The following ZBTB41 variants were observed in gnomAD, a reference collection of about 807,000 sequenced individuals.
The protein encoded by ZBTB41 is zinc finger and BTB domain-containing protein 41.
Under a neutral mutation model 87.6 loss-of-function variants are expected in ZBTB41, and 42 were observed. The observed-to-expected ratio is 0.48, with a 90% confidence interval of 0.37 to 0.62. ZBTB41 has a LOEUF of 0.62. Ranked by LOEUF, ZBTB41 falls within the 20% of genes least tolerant of loss-of-function variation. The pLI is 0.00. For missense variants in ZBTB41, 799 were observed against 1,078.9 expected, an observed-to-expected ratio of 0.74 and a Z score of 3.63; for synonymous variants, 364 against 364.0, an observed-to-expected ratio of 1.00 and a Z score of 0.00.
chr1:197,164,635 A>C (rs1456711618), intron 10 of ZBTB41, among the ~76,000 whole-genome samples: 1 of 147,164 alleles, frequency 6.8e-6, no homozygotes, highest in Non-Finnish European at 1.5e-5. Context: ...GATATAAAAG[A>C]CCATTCAACA....
chr1:197,188,588 T>C (rs1312034305), intron 4 of ZBTB41, 149 bp from the exon 5 acceptor site: 16 of 788,302 alleles, frequency 2.0e-5, no homozygotes, highest in Non-Finnish European at 2.9e-5. Context: ...ATTCTAATTG[T>C]GCAGAAAAAA....
Position 197,158,780 on chromosome 1 carries a change from A to G in ZBTB41, c.*579T>C, listed in dbSNP as rs930350456. On this transcript the variant is annotated 3_prime_UTR_variant, in exon 11 of 11. Coordinates refer to ENST00000367405, the MANE Select transcript of ZBTB41 (RefSeq NM_194314.3). ...AAGCTTTCTGGCTTTGAGTATATCA[A>G]AAGTCCAAAGGATAATGATAACCTA... is the stretch of plus-strand genomic sequence containing the variant. 6.6e-6 allele frequency: 1 copy of G among 152,250 alleles called. No individual in the cohort carries two copies. The highest frequency in any genetic ancestry group is 2.4e-5 in the African/African-American group (1 of 41,464). The allele number at this position is 152,250 out of a possible 1,614,324, so 9.4% of individuals were successfully genotyped here.
At position 197,156,795 on chromosome 1, in the gene ZBTB41, A is replaced by T. The variant is rs1250153009; in HGVS notation, c.*2564T>A. ...ACTATTACTTCACCAGAATTATATTACGCATCTCCCAGACTAGGTTAAGAT... is the reference window on the plus strand; with the variant it reads ...ACTATTACTTCACCAGAATTATATTTCGCATCTCCCAGACTAGGTTAAGAT... On this transcript the variant is annotated 3_prime_UTR_variant, in exon 11 of 11. Coordinates refer to ENST00000367405, the MANE Select transcript of ZBTB41 (RefSeq NM_194314.3). 6.6e-6 allele frequency: 1 copy of T among 152,218 alleles called. No individual in the cohort carries two copies. The highest frequency in any genetic ancestry group is 1.9e-4 in the East Asian group (1 of 5,194). 9.4% of individuals were successfully genotyped at this position (152,218 alleles called of 1,614,324 possible).
chr1:197,178,643 T>C, intron 6 of ZBTB41, 131 bp from the exon 7 acceptor site: 1 of 577,562 alleles, frequency 1.7e-6, no homozygotes, highest in Non-Finnish European at 2.8e-6. Context: ...CTTACAATAA[T>C]TTTGTTCTTT....
chr1:197,172,605 T>C (rs1659507713), intron 9 of ZBTB41, among the ~76,000 whole-genome samples: 1 of 151,978 alleles, frequency 6.6e-6, no homozygotes, highest in Non-Finnish European at 1.5e-5. Flanking sequence ...AAGAGTGGCC[T>C]AAAGGGGAAA....
In ZBTB41 at chr1:197,159,910, G is replaced by C; in HGVS notation, c.2179C>G (p.Gln727Glu). 2.5e-6 allele frequency: 4 copies of C among 1,613,892 alleles called. No homozygotes were observed. Among genetic ancestry groups the C allele is most frequent in the Non-Finnish European group, 3.4e-6 (4 of 1,179,842 alleles). ...CGCTTAAATGTTGCATTACAGTGCT[G>C]ACAGTTGAAAGGTCGGGCATCAGAA... ...IHSDARPFNCQHCNATFKRKD... is the reference protein window; with the variant it reads ...IHSDARPFNCEHCNATFKRKD... The change falls in exon 11 of 11, where the codon CAG becomes GAG. Residue 727 changes from glutamine (Q) to glutamate (E), a missense_variant. This residue lies in a region of ZBTB41 where 198 missense variants were observed against 358.4 expected (regional missense o/e 0.55). Transcript: ENST00000367405.
At position 197,176,610 on chromosome 1, in the gene ZBTB41, T is replaced by A; in HGVS notation, c.1833A>T (p.Thr611=). 5.0e-6 allele frequency: 8 copies of A among 1,612,328 alleles called. No homozygotes were observed. The highest frequency in any genetic ancestry group is 6.8e-6 in the Non-Finnish European group (8 of 1,179,150). Residue 611 remains threonine (T), a synonymous_variant, in exon 8 of 11, where the codon ACA becomes ACT. Coordinates refer to ENST00000367405, the MANE Select transcript of ZBTB41 (RefSeq NM_194314.3). ...KRYECDECGK[T]FIRHDHLTKH... is the part of the protein sequence containing the mutation. ...TTGTAAGGTGATCATGACGGATAAA[T>A]GTTTTTCCACATTCATCGCACTCAT...
chr1:197,174,949 T>C (rs1659566484), intron 9 of ZBTB41, 61 bp downstream of exon 9: 1 of 1,388,656 alleles, frequency 7.2e-7, no homozygotes, highest in African/African-American at 1.5e-5. Context: ...CAAAAAAAGT[T>C]ACAACTTTCC....
rs776279647 is a variant in ZBTB41 at position 197,155,915 on chromosome 1, G to T, written c.*3444C>A. On this transcript the variant is annotated 3_prime_UTR_variant, in exon 11 of 11. Coordinates refer to ENST00000367405, the MANE Select transcript of ZBTB41 (RefSeq NM_194314.3). ...AGGACCAACCCCTAACCTTAAATGG[G>T]ATTTTAGGCTGCAAAAAAAATAGGT... 3 of 152,056 alleles carry T rather than the reference G, an allele frequency of 2.0e-5. No individual in the cohort carries two copies. Among genetic ancestry groups the T allele is most frequent in the Non-Finnish European group, 4.4e-5 (3 of 67,758 alleles). 9.4% of individuals were successfully genotyped at this position (152,056 alleles called of 1,614,324 possible).
At chr1:197,164,847 ATT>A (rs1433911722) in intron 10 of ZBTB41, among the ~76,000 whole-genome samples, 1 of 123,412 alleles carries the variant, frequency 8.1e-6, no homozygotes, top group African/African-American at 3.2e-5. Context: ...TATTATATAT[ATT>A]ATATATAATA....
chr1:197,162,523 C>T (rs1219898891), intron 10 of ZBTB41, among the ~76,000 whole-genome samples: 2 of 152,104 alleles, frequency 1.3e-5, no homozygotes, highest in African/African-American at 2.4e-5. Context: ...TCCACAGAAT[C>T]ATCTTTCTTT....
chr1:197,186,656 G>T (rs61819122), intron 5 of ZBTB41, among the ~76,000 whole-genome samples: 45,782 of 152,050 alleles, frequency 0.3, 8,690 homozygotes, highest in Middle Eastern at 0.45. Context: ...GAGGTCAGGA[G>T]TTCAAGACCA....
At chr1:197,189,872 T>C (rs1659982881) in intron 4 of ZBTB41, among the ~76,000 whole-genome samples, 1 of 152,190 alleles carries the variant, frequency 6.6e-6, no homozygotes, top group South Asian at 2.1e-4. Flanking sequence ...CAGTCCTTGC[T>C]GAGATTCTCG....
chr1:197,164,223 A>G (rs1000969517), intron 10 of ZBTB41, among the ~76,000 whole-genome samples: 1 of 152,102 alleles, frequency 6.6e-6, no homozygotes, highest in African/African-American at 2.4e-5. Context: ...GACTGTAACA[A>G]TTTCAGAATG....
intron 5 of ZBTB41, 116 bp downstream of exon 5, chr1:197,188,176 C>T (rs1659931878): frequency 1.6e-6 from 2 of 1,245,082 alleles, no homozygotes; most frequent in Non-Finnish European, 2.2e-6. Flanking sequence ...GAACCTAAAA[C>T]CACTCTTAAA....
intron 2 of ZBTB41, among the ~76,000 whole-genome samples, chr1:197,196,993 C>T (rs1051336802): frequency 1.3e-5 from 2 of 152,096 alleles, no homozygotes; most frequent in African/African-American, 2.4e-5. Context: ...ACCCATTAAA[C>T]TCTAAGGTTC....
intron 10 of ZBTB41, among the ~76,000 whole-genome samples, chr1:197,161,731 A>T (rs1208848074): frequency 2.0e-5 from 3 of 152,168 alleles, no homozygotes; most frequent in Non-Finnish European, 2.9e-5. Context: ...AATAAGGAAA[A>T]GCTCAGAGGA....
chr1:197,168,395 A>G (rs941116108), intron 10 of ZBTB41, among the ~76,000 whole-genome samples: 3 of 152,148 alleles, frequency 2.0e-5, no homozygotes, highest in African/African-American at 7.2e-5. Flanking sequence ...GACTATTTCT[A>G]AATTTATATA....
intron 2 of ZBTB41, 77 bp from the exon 3 acceptor site, chr1:197,191,976 C>A (rs1660048564): frequency 1.6e-6 from 2 of 1,256,058 alleles, no homozygotes; most frequent in South Asian, 1.7e-5. Context: ...TGGAATAAAA[C>A]CTCATGATTT....
Sources: allele counts gnomAD v4.1 joint callset (sites outside exome capture counted in the v4.1 genomes callset), GRCh38; gene constraint gnomAD v4.1.1; regional missense constraint gnomAD v4.1.1; transcripts MANE v1.5; gene names NCBI Gene and HGNC (gene_info 2026-07-23, HGNC 2026-07-21).